MACF1: variants seen among roughly 807,000 people sequenced by gnomAD.
MACF1 encodes the protein microtubule-actin cross-linking factor 1.
A neutral mutation model predicts 854.8 loss-of-function variants in MACF1; 193 were observed. The ratio of observed to expected loss-of-function variants is 0.23; its 90% CI spans 0.20 to 0.25. MACF1 has a LOEUF of 0.25. Ranked by LOEUF, MACF1 falls within the 10% of genes least tolerant of loss-of-function variation. The probability of loss-of-function intolerance (pLI) is 1.00; values close to 1 mark genes in which losing one functional copy is unlikely to be tolerated. For missense variants in MACF1, 7,722 were observed against 8,929.1 expected, an observed-to-expected ratio of 0.86 and a Z score of 5.45; for synonymous variants, 3,185 against 3,226.7, an observed-to-expected ratio of 0.99 and a Z score of 0.44.
At chr1:39,391,753 A>C (rs896831774) in intron 58 of MACF1, among the ~76,000 whole-genome samples, 10 of 152,194 alleles carry the variant, frequency 6.6e-5, no homozygotes, top group Non-Finnish European at 8.8e-5. Flanking sequence ...GCATTACTTT[A>C]TCTTATTTCT....
intron 65 of MACF1, 141 bp from the exon 66 acceptor site, chr1:39,430,561 T>G (rs2148650404): frequency 3.0e-6 from 2 of 676,396 alleles, no homozygotes; most frequent in South Asian, 1.9e-5. Context: ...TTGAAAAATC[T>G]GAGATGAGAA....
At chr1:39,347,368 G>A (rs1011099977) in intron 41 of MACF1, among the ~76,000 whole-genome samples, 158 bp downstream of exon 41, 2 of 152,184 alleles carry the variant, frequency 1.3e-5, no homozygotes, top group Admixed American at 1.3e-4. Flanking sequence ...AGTCCAGGAG[G>A]CACTTGTTCT....
Position 39,475,825 on chromosome 1 carries a change from A to G in MACF1, c.21959-3973A>G, listed in dbSNP as rs190288950. On this transcript the variant is annotated intron_variant, in intron 97 of 100. Coordinates refer to ENST00000564288, the MANE Select transcript of MACF1 (RefSeq NM_001394062.1). The stretch of plus-strand genomic sequence containing the variant: ...TGGAGTTGGGTGTGACTATAATGGT[A>G]GCACTGAAGCCTCAGTGGATGAGCT... Among the ~76,000 whole-genome samples the G allele has an allele frequency of 2.3e-3, 346 of 152,108 alleles. 1 individual carries two copies. The highest frequency in any genetic ancestry group is 0.011 in the South Asian group (54 of 4,818).
At chr1:39,186,080 A>G (rs1014676651) in intron 2 of MACF1, among the ~76,000 whole-genome samples, 3 of 151,960 alleles carry the variant, frequency 2.0e-5, no homozygotes, top group African/African-American at 7.3e-5. Context: ...ATCATGAGGT[A>G]GAGGAGTGGA....
At chr1:39,471,127 C>T (rs1644768990) in intron 97 of MACF1, among the ~76,000 whole-genome samples, 2 of 152,016 alleles carry the variant, frequency 1.3e-5, no homozygotes, top group African/African-American at 4.8e-5. Flanking sequence ...AATCCATTGA[C>T]TGTGGAGAGA....
chr1:39,465,183 G>C, intron 95 of MACF1, 71 bp downstream of exon 95: 2 of 1,453,234 alleles, frequency 1.4e-6, no homozygotes, highest in South Asian at 1.1e-5. Flanking sequence ...CCTGTTCTTC[G>C]CTATGGGGAG....
At chr1:39,322,764 G>T (rs1249003172) in intron 32 of MACF1, 49 bp downstream of exon 32, 1 of 1,588,898 alleles carries the variant, frequency 6.3e-7, no homozygotes, top group East Asian at 2.2e-5. Context: ...CTTAAGGAAA[G>T]ATTCATTTGC....
intron 6 of MACF1, chr1:39,269,776 A>T: frequency 8.1e-7 from 1 of 1,229,456 alleles, no homozygotes; most frequent in South Asian, 1.4e-5. Context: ...TTGGCCCTCA[A>T]ACATATTAAA....
chr1:39,233,306 T>C (rs1212279813), intron 2 of MACF1, among the ~76,000 whole-genome samples: 2 of 152,224 alleles, frequency 1.3e-5, no homozygotes, highest in Non-Finnish European at 2.9e-5. Flanking sequence ...AGTGCTGGGA[T>C]TATAGGCGTG....
chr1:39,401,100 C>T (rs1368514188), intron 58 of MACF1, among the ~76,000 whole-genome samples: 1 of 152,248 alleles, frequency 6.6e-6, no homozygotes, highest in African/African-American at 2.4e-5. Context: ...ATTTTATGTA[C>T]ACATACATAT....
chr1:39,412,864 G>C (rs1287168928), intron 58 of MACF1: 6 of 1,610,876 alleles, frequency 3.7e-6, no homozygotes, highest in African/African-American at 1.3e-5. Flanking sequence ...GCCTGCCCCA[G>C]AGGGAACTGC....
chr1:39,226,840 AAAG>A (rs1358396088), intron 1 of MACF1, among the ~76,000 whole-genome samples: 3 of 152,232 alleles, frequency 2.0e-5, no homozygotes, highest in Non-Finnish European at 2.9e-5. Context: ...TTTATAAAAA[AAAG>A]AAATTATAAA....
At chr1:39,292,140 G>T in intron 16 of MACF1, 102 bp downstream of exon 16, 2 of 1,352,008 alleles carry the variant, frequency 1.5e-6, no homozygotes, top group East Asian at 4.8e-5. Flanking sequence ...GGGTGCTCTG[G>T]AAAAGAATAA....
chr1:39,221,273 C>A (rs973228433), intron 1 of MACF1, among the ~76,000 whole-genome samples: 4 of 152,138 alleles, frequency 2.6e-5, no homozygotes, highest in Non-Finnish European at 5.9e-5. Context: ...GCTTTGAATT[C>A]TAAAACTAAA....
chr1:39,133,534 T>TCTCCTC (rs559873975), intron 2 of MACF1, among the ~76,000 whole-genome samples: 7 of 151,998 alleles, frequency 4.6e-5, no homozygotes, highest in African/African-American at 1.4e-4. Context: ...CCTCATCCTT[T>TCTCCTC]CTCCTCCTCC....
chr1:39,440,546 C>T (rs764081266), intron 72 of MACF1, among the ~76,000 whole-genome samples: 10 of 152,072 alleles, frequency 6.6e-5, no homozygotes, highest in Non-Finnish European at 1.5e-4. Context: ...TCCCTCCCCA[C>T]CTTGGGTCAA....
At chr1:39,302,834 TAAGGA>T in intron 22 of MACF1, 85 bp from the exon 23 acceptor site, 1 of 1,289,170 alleles carries the variant, frequency 7.8e-7, no homozygotes, top group Non-Finnish European at 1.1e-6. Flanking sequence ...ATTTTTTTCT[TAAGGA>T]TTTGATAGCT....
intron 2 of MACF1, among the ~76,000 whole-genome samples, chr1:39,234,874 C>T (rs1192262900): frequency 2.3e-5 from 3 of 132,548 alleles, no homozygotes; most frequent in Non-Finnish European, 5.0e-5. Flanking sequence ...GACGGGGCGG[C>T]GGGGCAGAGG....
chr1:39,208,563 C>T (rs1644479649), intron 1 of MACF1, among the ~76,000 whole-genome samples: 3 of 152,142 alleles, frequency 2.0e-5, no homozygotes, highest in Non-Finnish European at 2.9e-5. Context: ...AAGCGATTCT[C>T]ATGACTCAAC....
Sources: allele counts gnomAD v4.1 joint callset (sites outside exome capture counted in the v4.1 genomes callset), GRCh38; gene constraint gnomAD v4.1.1; transcripts MANE v1.5; gene names NCBI Gene and HGNC (gene_info 2026-07-23, HGNC 2026-07-21).